COPS9: variants seen among roughly 807,000 people sequenced by gnomAD.
COPS9 encodes the protein COP9 signalosome subunit 9, also known as COP9 signalosome complex subunit 9.
A neutral mutation model predicts 7.2 loss-of-function variants in COPS9; 8 were observed. The observed-to-expected ratio is 1.11, with a 90% CI of 0.65 to 2.00. The LOEUF (loss-of-function observed/expected upper bound fraction) is 2.00. Ranked by LOEUF, COPS9 falls within the 30% of genes most tolerant of loss-of-function variation. The pLI is 0.00. For missense variants in COPS9, 74 were observed against 77.7 expected, an observed-to-expected ratio of 0.95 and a Z score of 0.18; for synonymous variants, 39 against 28.7, an observed-to-expected ratio of 1.36 and a Z score of -1.14.
chr2:240,133,019 C>A (rs1393154122), intron 2 of COPS9, among the ~76,000 whole-genome samples: 1 of 152,240 alleles, frequency 6.6e-6, no homozygotes, highest in African/African-American at 2.4e-5. Flanking sequence ...CCCAACTCAG[C>A]AGCTTGGCTG....
rs2071915676 is a variant in COPS9, at chr2:240,130,954, T to A, written c.*97A>T. 6.5e-7 allele frequency: 1 copy of A among 1,529,376 alleles called. No homozygotes were observed. The highest frequency in any genetic ancestry group is 1.4e-5 in the African/African-American group (1 of 72,492). The allele number at this position is 1,529,376 out of a possible 1,614,324, so 94.7% of individuals were successfully genotyped here. On this transcript the variant is annotated 3_prime_UTR_variant, in exon 3 of 3. Transcript: ENST00000607357. Reference sequence around the variant, plus strand: ...AACCAGGTCCTAAATTCAAGGGATTTCCACGTGTTCTTTAAAACCACCTGA... The same window carrying A: ...AACCAGGTCCTAAATTCAAGGGATTACCACGTGTTCTTTAAAACCACCTGA...
Position 240,136,234 on chromosome 2 carries a change from C to A in COPS9, c.51G>T (p.Val17=). The part of the protein sequence containing the change: ...EMFPEGAGPY[V]DLDEAGGSTG... ...GGGCCCGTGCCACCTCGTCCAGGTC[C>A]ACGTAGGGCCCGGCGCCCTCGGGGA... The change falls in exon 1 of 3, where the codon GTG becomes GTT. Residue 17 remains valine, a synonymous_variant. Coordinates refer to ENST00000607357, the MANE Select transcript of COPS9 (RefSeq NM_001163424.2). 1.3e-6 allele frequency: 2 copies of A among 1,563,194 alleles called. No homozygotes were observed.
rs1408343305 is a variant in COPS9, at chr2:240,130,962, T to C, written c.*89A>G. The stretch of plus-strand genomic sequence containing the variant: ...CCTAAATTCAAGGGATTTCCACGTG[T>C]TCTTTAAAACCACCTGAAACTGTCC... On this transcript the variant is annotated 3_prime_UTR_variant, in exon 3 of 3. Transcript: ENST00000607357. 4 of 1,542,592 alleles carry C rather than the reference T, an allele frequency of 2.6e-6. No individual in the cohort carries two copies. In the African/African-American group the frequency reaches 5.5e-5, roughly 21 times the overall value.
chr2:240,129,967 G>A (rs767445836), downstream of COPS9: 43 of 1,613,894 alleles, frequency 2.7e-5, no homozygotes, highest in Middle Eastern at 1.6e-4. Context: ...TGCTCCGACT[G>A]CCCTCGCTGC....
intron 2 of COPS9, 69 bp from the exon 3 acceptor site, chr2:240,131,157 G>A: frequency 4.7e-6 from 7 of 1,497,928 alleles, no homozygotes; most frequent in Non-Finnish European, 6.4e-6. Context: ...ACTTCAGAAT[G>A]AATTATATAG....
chr2:240,133,247 T>C (rs1301157386), intron 2 of COPS9, among the ~76,000 whole-genome samples: 2 of 152,256 alleles, frequency 1.3e-5, no homozygotes, highest in African/African-American at 2.4e-5. Context: ...CTTATTTACT[T>C]ATTATTTGAA....
chr2:240,131,936 C>A (rs987810234), intron 2 of COPS9, among the ~76,000 whole-genome samples: 31 of 152,300 alleles, frequency 2.0e-4, no homozygotes, highest in Non-Finnish European at 3.4e-4. Flanking sequence ...GGGAGGGTGG[C>A]GTCCCTGAGG....
At chr2:240,128,726 G>A (rs1267894792), downstream of COPS9, among the ~76,000 whole-genome samples, 2 of 152,156 alleles carry the variant, frequency 1.3e-5, no homozygotes, top group East Asian at 1.9e-4. Flanking sequence ...GGCTGGGCCC[G>A]TCAGCTGCAG....
chr2:240,133,035 C>T (rs2071937577), intron 2 of COPS9, among the ~76,000 whole-genome samples: 1 of 152,228 alleles, frequency 6.6e-6, no homozygotes, highest in African/African-American at 2.4e-5. Flanking sequence ...GGCTGCTCCC[C>T]TCAGGCAATG....
intron 1 of COPS9, 166 bp downstream of exon 1, chr2:240,136,056 T>C: frequency 8.7e-7 from 1 of 1,144,014 alleles, no homozygotes. Context: ...CACCAGGTGC[T>C]CGGAGAAACC....
chr2:240,130,823 A>G (rs1866646), downstream of COPS9: 797,009 of 1,398,170 alleles, frequency 0.57, 232,959 homozygotes, highest in African/African-American at 0.9. Context: ...AGATCACTCC[A>G]CATGTGACAT....
At chr2:240,129,879 T>C (rs756207673), downstream of COPS9, 7 of 1,594,518 alleles carry the variant, frequency 4.4e-6, no homozygotes, top group Admixed American at 3.3e-5. Context: ...TGCGGCCCAG[T>C]GCAGACCTTC....
chr2:240,126,821 G>T (rs1248907242), downstream of COPS9: 1 of 1,614,180 alleles, frequency 6.2e-7, no homozygotes, highest in Non-Finnish European at 8.5e-7. Flanking sequence ...CTTTGTTGGT[G>T]CCACACAGCG....
At chr2:240,126,676 T>G (rs146329964), downstream of COPS9, 41 of 1,614,222 alleles carry the variant, frequency 2.5e-5, no homozygotes, top group African/African-American at 5.5e-4. Context: ...GAAACTGATA[T>G]TGTGCTGTCT....
At chr2:240,130,798 A>T (rs1369198382), downstream of COPS9, 21 of 1,371,786 alleles carry the variant, frequency 1.5e-5, no homozygotes, top group Non-Finnish European at 1.9e-5. Context: ...ACATTCACTC[A>T]TAAGTGCAAG....
rs1429860830 is a variant in COPS9, at chr2:240,132,417, A to G, written c.137-1329T>C. Among the ~76,000 whole-genome samples, 1 of 152,212 alleles carries G rather than the reference A, an allele frequency of 6.6e-6. No homozygotes were observed. Among genetic ancestry groups the G allele is most frequent in the Non-Finnish European group, 1.5e-5 (1 of 68,046 alleles). ...TGGGGTTGTCACAACCTGATGGGAC[A>G]GTGAGTGCTTTGTGAACTTAGTGGG... On this transcript the variant is annotated intron_variant, in intron 2 of 2. Coordinates refer to ENST00000607357, the MANE Select transcript of COPS9 (RefSeq NM_001163424.2). This position sits in a 1 kb window ranked among gnomAD's most constrained non-coding sequence, Gnocchi z 4.1.
At position 240,130,969 on chromosome 2, in the gene COPS9, A is replaced by C. The variant is rs2071915890; in HGVS notation, c.*82T>G. On this transcript the variant is annotated 3_prime_UTR_variant, in exon 3 of 3. Transcript: ENST00000607357. Reference sequence around the variant, plus strand: ...TCAAGGGATTTCCACGTGTTCTTTAAAACCACCTGAAACTGTCCTGCGCAG... The same window carrying C: ...TCAAGGGATTTCCACGTGTTCTTTACAACCACCTGAAACTGTCCTGCGCAG... The C allele has an allele frequency of 6.4e-7, 1 of 1,552,660 alleles. No homozygotes were observed. Among genetic ancestry groups the C allele is most frequent in the Non-Finnish European group, 8.7e-7 (1 of 1,151,590 alleles).
chr2:240,134,079 A>C, intron 1 of COPS9, 74 bp from the exon 2 acceptor site: 1 of 1,352,930 alleles, frequency 7.4e-7, no homozygotes, highest in South Asian at 1.2e-5. Context: ...TTGCAGGGCC[A>C]CTACCCCCAC....
At chr2:240,129,372 C>T (rs1371529617), downstream of COPS9, among the ~76,000 whole-genome samples, 2 of 152,138 alleles carry the variant, frequency 1.3e-5, no homozygotes, top group African/African-American at 2.4e-5. Context: ...CGTTCTGTTG[C>T]CCAGGTTGGT....
Sources: gnomAD v4.1 joint callset for allele counts (sites outside exome capture counted in the v4.1 genomes callset) on GRCh38, gnomAD v4.1.1 for gene constraint, Gnocchi (gnomAD v3.1) non-coding constraint, MANE v1.5 for transcripts, NCBI Gene and HGNC (gene_info 2026-07-23, HGNC 2026-07-21) for gene names.